The following CADM1 variants were observed in gnomAD, a reference collection of about 807,000 sequenced individuals.
The protein encoded by CADM1 is cell adhesion molecule 1, also known as TSLC-1.
Under a neutral mutation model 53.1 loss-of-function variants are expected in CADM1, and 15 were observed. The observed-to-expected ratio is 0.28, with a 90% CI of 0.19 to 0.44. CADM1 has a LOEUF of 0.44. Ranked by LOEUF, CADM1 falls within the 20% of genes least tolerant of loss-of-function variation. CADM1 has a pLI of 1.00. For missense variants in CADM1, 434 were observed against 611.3 expected (o/e 0.71, Z 3.06); for synonymous variants, 281 against 243.0 (o/e 1.16, Z -1.45).
intron 5 of CADM1, among the ~76,000 whole-genome samples, chr11:115,221,518 G>A (rs559887382): frequency 4.6e-5 from 7 of 152,206 alleles, no homozygotes; most frequent in African/African-American, 1.7e-4. Flanking sequence ...TCTCTATAAA[G>A]GGAAAAAATA....
chr11:115,429,485 A>T (rs1426088660), intron 1 of CADM1, among the ~76,000 whole-genome samples: 1 of 151,726 alleles, frequency 6.6e-6, no homozygotes, highest in Non-Finnish European at 1.5e-5. Flanking sequence ...GGCACCTGTA[A>T]TCCCAACTAC....
chr11:115,200,403 T>C (rs1591598194), intron 8 of CADM1, among the ~76,000 whole-genome samples: 1 of 152,268 alleles, frequency 6.6e-6, no homozygotes, highest in African/African-American at 2.4e-5. Context: ...ATACATTTTA[T>C]AGATAGGCAT....
At chr11:115,425,202 C>T (rs1947860209) in intron 1 of CADM1, among the ~76,000 whole-genome samples, 1 of 152,202 alleles carries the variant, frequency 6.6e-6, no homozygotes, top group Non-Finnish European at 1.5e-5. Context: ...ATTCTGTCCG[C>T]TCTTTTATTA....
intron 11 of CADM1, among the ~76,000 whole-genome samples, chr11:115,176,984 A>G (rs369693086): frequency 6.6e-6 from 1 of 152,228 alleles, no homozygotes; most frequent in Admixed American, 6.5e-5. Context: ...AAAGCAAGGA[A>G]GAGCAATTAG....
chr11:115,421,166 G>A (rs1408979755), intron 1 of CADM1, among the ~76,000 whole-genome samples: 2 of 152,174 alleles, frequency 1.3e-5, no homozygotes, highest in African/African-American at 2.4e-5. Flanking sequence ...AGGGTTTGAA[G>A]ACCAGAATGC....
chr11:115,175,136 T>C lies in CADM1; in HGVS notation c.*1338A>G. The stretch of plus-strand genomic sequence containing the variant: ...CACATTTGAGTTTTGATTAAGTAAC[T>C]GAAAATCCGTACATGCTGTTTTTCC... On this transcript the variant is annotated 3_prime_UTR_variant, in exon 12 of 12. Coordinates refer to ENST00000331581, the MANE Select transcript of CADM1 (RefSeq NM_001301043.2). 1.0e-6 allele frequency: 1 copy of C among 985,838 alleles called. No homozygotes were observed. Among genetic ancestry groups the C allele is most frequent in the Non-Finnish European group, 1.2e-6 (1 of 829,914 alleles). 61.1% of individuals were successfully genotyped at this position (985,838 alleles called of 1,614,324 possible).
At chr11:115,308,175 G>GTGTGTGTGTGTGTGTGTGTGTATA (rs1353212174) in intron 1 of CADM1, among the ~76,000 whole-genome samples, 1 of 117,432 alleles carries the variant, frequency 8.5e-6, no homozygotes. Flanking sequence ...GTGTGTGTGT[G>GTGTGTGTGTGTGTGTGTGTGTATA]TATATCACTC....
intron 1 of CADM1, among the ~76,000 whole-genome samples, chr11:115,443,314 T>C (rs1400647864): frequency 6.6e-6 from 1 of 152,206 alleles, no homozygotes; most frequent in African/African-American, 2.4e-5. Flanking sequence ...CCACTCTCTG[T>C]GTTAATTATA....
intron 1 of CADM1, among the ~76,000 whole-genome samples, chr11:115,503,302 G>C (rs1047728554): frequency 6.6e-6 from 1 of 152,200 alleles, no homozygotes; most frequent in East Asian, 1.9e-4. Flanking sequence ...CCGAGTGCTC[G>C]GTGTCTTCAG....
At chr11:115,212,035 C>T (rs889573884) in intron 7 of CADM1, among the ~76,000 whole-genome samples, 4 of 152,118 alleles carry the variant, frequency 2.6e-5, no homozygotes, top group South Asian at 2.1e-4. Flanking sequence ...GCTAAAGTGA[C>T]CTGAAAGAAT....
chr11:115,504,128 CT>C (rs373976747), intron 1 of CADM1, 142 bp downstream of exon 1: 13,837 of 1,267,450 alleles, frequency 0.011, 128 homozygotes, highest in Middle Eastern at 0.026. Flanking sequence ...CCTCTCAGCC[CT>C]GAGTTTCCTC....
At chr11:115,217,641 T>C (rs952575904) in intron 6 of CADM1, among the ~76,000 whole-genome samples, 2 of 152,208 alleles carry the variant, frequency 1.3e-5, no homozygotes, top group African/African-American at 4.8e-5. Flanking sequence ...CTGACAATCA[T>C]GTTGATAATA....
At chr11:115,206,208 T>C (rs1248616711) in intron 8 of CADM1, among the ~76,000 whole-genome samples, 2 of 152,198 alleles carry the variant, frequency 1.3e-5, no homozygotes, top group Non-Finnish European at 2.9e-5. Context: ...TTTTGGACCA[T>C]CCTAAAGTCA....
chr11:115,375,445 C>T (rs1189771154), intron 1 of CADM1, among the ~76,000 whole-genome samples: 5 of 152,018 alleles, frequency 3.3e-5, no homozygotes, highest in Admixed American at 6.6e-5. Context: ...GTTCATTTTG[C>T]GACAATTTAC....
intron 2 of CADM1, among the ~76,000 whole-genome samples, chr11:115,239,706 G>T (rs1942148911): frequency 7.0e-6 from 1 of 143,266 alleles, no homozygotes; most frequent in Non-Finnish European, 1.5e-5. Flanking sequence ...TCCAATAACA[G>T]TTTTTGGTTT....
chr11:115,367,288 T>C (rs974975835), intron 1 of CADM1, among the ~76,000 whole-genome samples: 12 of 152,182 alleles, frequency 7.9e-5, no homozygotes, highest in Admixed American at 6.5e-4. Flanking sequence ...ATCCTGAACG[T>C]TGTTAGAGAT....
chr11:115,492,660 TCCAAAACTA>T (rs967010429), intron 1 of CADM1, among the ~76,000 whole-genome samples: 30 of 152,218 alleles, frequency 2.0e-4, no homozygotes, highest in Admixed American at 9.8e-4. Flanking sequence ...GTGGAGTAAT[TCCAAAACTA>T]TTTTGTACTA....
At chr11:115,419,686 T>C (rs752926872) in intron 1 of CADM1, among the ~76,000 whole-genome samples, 2 of 152,120 alleles carry the variant, frequency 1.3e-5, no homozygotes, top group Non-Finnish European at 2.9e-5. Context: ...AACCCGAAAA[T>C]GAGCCCCTGA....
intron 1 of CADM1, among the ~76,000 whole-genome samples, chr11:115,459,288 T>C (rs1433323639): frequency 6.6e-6 from 1 of 152,144 alleles, no homozygotes; most frequent in East Asian, 1.9e-4. Flanking sequence ...TTACGTGTGT[T>C]CTCCCCACCC....
Sources: gnomAD v4.1 joint callset for allele counts (sites outside exome capture counted in the v4.1 genomes callset) on GRCh38, gnomAD v4.1.1 for gene constraint, MANE v1.5 for transcripts, NCBI Gene and HGNC (gene_info 2026-07-23, HGNC 2026-07-21) for gene names.